EPHA6: variants seen among roughly 807,000 people sequenced by gnomAD.
EPHA6 encodes ephrin type-A receptor 6.
A neutral mutation model predicts 112.0 loss-of-function variants in EPHA6; 50 were observed. The observed-to-expected ratio is 0.45, with a 90% CI of 0.36 to 0.56. The LOEUF is 0.56. Among genes scored for constraint, EPHA6 ranks in the 20% least tolerant of loss-of-function variants. The pLI is 0.00. For missense variants in EPHA6, 1,280 were observed against 1,417.4 expected (o/e 0.90, Z 1.56); for synonymous variants, 529 against 490.7 (o/e 1.08, Z -1.03).
At chr3:97,594,721 A>T (rs2093572828) in intron 12 of EPHA6, among the ~76,000 whole-genome samples, 1 of 152,214 alleles carries the variant, frequency 6.6e-6, no homozygotes, top group Non-Finnish European at 1.5e-5. Flanking sequence ...ATTTTTTAAA[A>T]AAACTAAAGT....
At chr3:97,147,659 A>T (rs911137640) in intron 3 of EPHA6, among the ~76,000 whole-genome samples, 1 of 152,142 alleles carries the variant, frequency 6.6e-6, no homozygotes, top group Non-Finnish European at 1.5e-5. Flanking sequence ...AGGAAAAACT[A>T]TAAAAACATT....
intron 2 of EPHA6, among the ~76,000 whole-genome samples, chr3:96,942,188 G>T (rs572692636): frequency 6.6e-6 from 1 of 152,302 alleles, no homozygotes; most frequent in African/African-American, 2.4e-5. Context: ...CTGTCTTTTT[G>T]TTTGTCTGTG....
intron 2 of EPHA6, among the ~76,000 whole-genome samples, chr3:96,928,085 A>G (rs907716165): frequency 8.5e-5 from 13 of 152,190 alleles, no homozygotes; most frequent in African/African-American, 3.1e-4. Flanking sequence ...AACCACCCCC[A>G]TGACATGATC....
chr3:97,703,397 GT>G (rs1037782471), intron 14 of EPHA6, among the ~76,000 whole-genome samples: 8 of 152,246 alleles, frequency 5.3e-5, no homozygotes, highest in African/African-American at 1.9e-4. Context: ...CAAGTAGGTA[GT>G]TTTTTTCTTC....
At chr3:96,845,264 T>C (rs891849961) in intron 1 of EPHA6, among the ~76,000 whole-genome samples, 1 of 152,046 alleles carries the variant, frequency 6.6e-6, no homozygotes, top group African/African-American at 2.4e-5. Context: ...TCAAATACAA[T>C]CAGTCTGTAA....
chr3:97,648,177 A>T, intron 14 of EPHA6: 1 of 517,862 alleles, frequency 1.9e-6, no homozygotes, highest in East Asian at 3.1e-5. Context: ...GACAGCAGCA[A>T]TTCAGTCGAA....
chr3:97,124,258 A>G (rs1325865072), intron 3 of EPHA6, among the ~76,000 whole-genome samples: 1 of 152,070 alleles, frequency 6.6e-6, no homozygotes. Flanking sequence ...ATAGCAAGAC[A>G]TCTTTTTCCA....
intron 5 of EPHA6, among the ~76,000 whole-genome samples, chr3:97,304,074 A>AT (rs1382689373): frequency 9.9e-5 from 15 of 151,678 alleles, no homozygotes; most frequent in African/African-American, 3.6e-4. Flanking sequence ...AATGCTTGTG[A>AT]TTTTTCCACA....
At chr3:96,937,465 C>A (rs1359139881) in intron 2 of EPHA6, among the ~76,000 whole-genome samples, 2 of 141,724 alleles carry the variant, frequency 1.4e-5, no homozygotes, top group Non-Finnish European at 3.0e-5. Context: ...TTTGTTTTTT[C>A]TTGTGAATTT....
At chr3:97,614,706 T>C (rs1424475311) in intron 13 of EPHA6, among the ~76,000 whole-genome samples, 1 of 151,940 alleles carries the variant, frequency 6.6e-6, no homozygotes, top group Non-Finnish European at 1.5e-5. Context: ...AAGGGGGTCA[T>C]CTATAAACCA....
intron 5 of EPHA6, chr3:97,244,591 T>C (rs1464653661): frequency 2.7e-6 from 1 of 376,086 alleles, no homozygotes; most frequent in Non-Finnish European, 4.7e-6. Context: ...CCAATAGAAG[T>C]CAGAAATCAA....
At chr3:97,671,022 G>T (rs1003344523) in intron 14 of EPHA6, among the ~76,000 whole-genome samples, 1 of 152,092 alleles carries the variant, frequency 6.6e-6, no homozygotes, top group African/African-American at 2.4e-5. Context: ...ATTAGCTTCT[G>T]TCAGGATCCT....
chr3:97,702,254 T>C (rs554342369), intron 14 of EPHA6, among the ~76,000 whole-genome samples: 1 of 152,334 alleles, frequency 6.6e-6, no homozygotes, highest in Non-Finnish European at 1.5e-5. Context: ...GATCAATGTG[T>C]TAGAATAAAG....
intron 10 of EPHA6, among the ~76,000 whole-genome samples, chr3:97,508,598 A>G (rs368092246): frequency 6.6e-6 from 1 of 152,172 alleles, no homozygotes; most frequent in East Asian, 1.9e-4. Context: ...ATTTTAGAGT[A>G]AGTGCGATGT....
intron 6 of EPHA6, chr3:97,439,502 C>G: frequency 2.9e-6 from 1 of 346,366 alleles, no homozygotes; most frequent in South Asian, 1.2e-4. Flanking sequence ...GAAATTTCTT[C>G]TTGTGCATTT....
intron 11 of EPHA6, among the ~76,000 whole-genome samples, chr3:97,567,734 AT>A (rs1016875704): frequency 3.3e-5 from 5 of 152,176 alleles, no homozygotes; most frequent in African/African-American, 1.2e-4. Context: ...CCTCTTACCC[AT>A]GAACGTGCAG....
At chr3:96,856,280 C>G (rs1283321835) in intron 1 of EPHA6, among the ~76,000 whole-genome samples, 6 of 151,828 alleles carry the variant, frequency 4.0e-5, no homozygotes, top group East Asian at 3.9e-4. Flanking sequence ...ACAGAAGCAA[C>G]CTGGCCACCT....
intron 5 of EPHA6, among the ~76,000 whole-genome samples, chr3:97,250,820 T>A (rs1191761494): frequency 6.6e-6 from 1 of 152,192 alleles, no homozygotes; most frequent in African/African-American, 2.4e-5. Flanking sequence ...ATTATGTATG[T>A]TGTTAATATT....
At chr3:97,048,023 T>C (rs995140007) in intron 3 of EPHA6, among the ~76,000 whole-genome samples, 3 of 152,166 alleles carry the variant, frequency 2.0e-5, no homozygotes, top group African/African-American at 7.2e-5. Flanking sequence ...TTTAGTTTGA[T>C]CAATACAGTT....
Sources: allele counts gnomAD v4.1 joint callset (sites outside exome capture counted in the v4.1 genomes callset), GRCh38; gene constraint gnomAD v4.1.1; transcripts MANE v1.5; gene names NCBI Gene and HGNC (gene_info 2026-07-23, HGNC 2026-07-21).